IQSEC1: variants seen among roughly 807,000 people sequenced by gnomAD.
IQSEC1 encodes the protein IQ motif and SEC7 domain-containing protein 1.
IQSEC1 carries 31 observed loss-of-function variants against 91.0 expected under a neutral mutation model. That is an observed-to-expected ratio of 0.34 (90% CI 0.26 to 0.46). The LOEUF (loss-of-function observed/expected upper bound fraction) is 0.46. IQSEC1 is among the 20% of genes least tolerant of loss of function. IQSEC1 has a pLI of 1.00. For missense variants in IQSEC1, 1,388 were observed against 1,575.6 expected, an observed-to-expected ratio of 0.88 and a Z score of 2.02; for synonymous variants, 699 against 662.6, an observed-to-expected ratio of 1.05 and a Z score of -0.84.
At chr3:13,019,369 G>C (rs1276960479) in intron 1 of IQSEC1, among the ~76,000 whole-genome samples, 1 of 152,208 alleles carries the variant, frequency 6.6e-6, no homozygotes, top group Non-Finnish European at 1.5e-5. Flanking sequence ...GATGTGAATG[G>C]GACCCAGCCA....
chr3:12,902,764 C>A lies in IQSEC1; in HGVS notation c.2805+9G>T, dbSNP rs374929163. On this transcript the variant is annotated intron_variant, in intron 13 of 13. Transcript: ENST00000613206. ...GACAGCCAGCTGGACAGAGGCGCTT[C>A]CTACTTACTTCCACATTGCTCTCTA... The A allele has an allele frequency of 1.9e-6, 3 of 1,604,358 alleles. No individual in the cohort carries two copies. Among genetic ancestry groups the A allele is most frequent in the Non-Finnish European group, 1.7e-6 (2 of 1,173,242 alleles).
At chr3:13,254,194 A>G (rs1695247235) in intron 1 of IQSEC1, among the ~76,000 whole-genome samples, 2 of 152,216 alleles carry the variant, frequency 1.3e-5, no homozygotes, top group African/African-American at 4.8e-5. Flanking sequence ...CTCCACCCAC[A>G]TCGGCGTGCA....
chr3:13,179,525 G>A (rs1025288779), intron 1 of IQSEC1, among the ~76,000 whole-genome samples: 2 of 152,268 alleles, frequency 1.3e-5, no homozygotes, highest in Non-Finnish European at 2.9e-5. Flanking sequence ...AATTCTCCAA[G>A]GAGACACAAC....
chr3:13,052,647 C>T (rs1704731780), intron 1 of IQSEC1, among the ~76,000 whole-genome samples: 1 of 152,218 alleles, frequency 6.6e-6, no homozygotes, highest in Non-Finnish European at 1.5e-5. Flanking sequence ...GCTGTGCCAT[C>T]TCACACTCCC....
intron 1 of IQSEC1, among the ~76,000 whole-genome samples, chr3:13,039,010 G>C (rs940553410): frequency 6.6e-6 from 1 of 152,270 alleles, no homozygotes; most frequent in African/African-American, 2.4e-5. Context: ...TGGCCCACAG[G>C]GGCAGTCCAC....
chr3:13,056,876 A>G (rs963201861), intron 1 of IQSEC1, among the ~76,000 whole-genome samples: 2 of 152,136 alleles, frequency 1.3e-5, no homozygotes, highest in Non-Finnish European at 1.5e-5. Context: ...ACTAAAATAC[A>G]GAAGTTGTCA....
At chr3:13,199,701 C>A (rs1458896064) in intron 1 of IQSEC1, among the ~76,000 whole-genome samples, 2 of 152,140 alleles carry the variant, frequency 1.3e-5, no homozygotes, top group Non-Finnish European at 2.9e-5. Flanking sequence ...CCCTTAGGAA[C>A]CTGCTCGCCC....
Position 13,211,454 on chromosome 3 carries a change from T to C in IQSEC1, c.273-47321A>G, listed in dbSNP as rs1386075509. 2.6e-5 allele frequency among the ~76,000 whole-genome samples: 4 copies of C among 151,784 alleles called. No homozygotes were observed. The highest frequency in any genetic ancestry group is 6.6e-5 in the Admixed American group (1 of 15,262). On this transcript the variant is annotated intron_variant, in intron 1 of 15. Transcript: ENST00000648114. The surrounding 1 kb of genome is among the most constrained non-coding windows in gnomAD (Gnocchi z 5.3). The stretch of plus-strand genomic sequence containing the variant: ...CTCTGCCCCCTGCCCCAGGTCACCT[T>C]ACAAACAAAGACCCCAACTCAGGGT...
intron 6 of IQSEC1, among the ~76,000 whole-genome samples, chr3:12,919,214 C>T (rs1346843382): frequency 6.6e-6 from 1 of 152,200 alleles, no homozygotes; most frequent in Non-Finnish European, 1.5e-5. Context: ...CCTTGGTTCC[C>T]AGGAACTACA....
chr3:12,901,889 C>T (rs920146781), intron 13 of IQSEC1, among the ~76,000 whole-genome samples: 5 of 152,214 alleles, frequency 3.3e-5, no homozygotes, highest in Admixed American at 2.0e-4. Context: ...CTGTGTGTGG[C>T]GAGTGCAGAG....
intron 1 of IQSEC1, among the ~76,000 whole-genome samples, chr3:12,953,514 C>T (rs975879203): frequency 1.3e-5 from 2 of 152,186 alleles, no homozygotes; most frequent in Non-Finnish European, 2.9e-5. Context: ...ATATAGGACT[C>T]GAACAATGAA....
intron 1 of IQSEC1, among the ~76,000 whole-genome samples, chr3:13,045,440 G>A (rs1055202176): frequency 1.3e-5 from 2 of 152,176 alleles, no homozygotes; most frequent in East Asian, 3.9e-4. Flanking sequence ...GAATGCAGGC[G>A]GGGAAACAGC....
At chr3:13,195,836 C>T (rs1694114744) in intron 1 of IQSEC1, among the ~76,000 whole-genome samples, 2 of 152,078 alleles carry the variant, frequency 1.3e-5, no homozygotes, top group African/African-American at 4.8e-5. Context: ...TAAAACTGGG[C>T]AATGTGGATA....
chr3:13,049,117 A>G (rs1455146496), intron 1 of IQSEC1, among the ~76,000 whole-genome samples: 1 of 152,130 alleles, frequency 6.6e-6, no homozygotes, highest in African/African-American at 2.4e-5. Context: ...CCTGCCTTCC[A>G]GTGCCAGAAC....
intron 1 of IQSEC1, among the ~76,000 whole-genome samples, chr3:13,196,900 C>A (rs1315584373): frequency 1.3e-5 from 2 of 151,970 alleles, no homozygotes; most frequent in Non-Finnish European, 2.9e-5. Context: ...TCAGGGGGAG[C>A]AGGAGAGTCT....
At chr3:13,006,893 G>A (rs559559231) in intron 1 of IQSEC1, among the ~76,000 whole-genome samples, 90 of 152,326 alleles carry the variant, frequency 5.9e-4, no homozygotes, top group African/African-American at 1.7e-3. Flanking sequence ...GCTCTGGGCC[G>A]GGCTCTGACT....
intron 1 of IQSEC1, among the ~76,000 whole-genome samples, chr3:13,173,558 C>T (rs922313937): frequency 3.3e-5 from 5 of 152,228 alleles, no homozygotes; most frequent in African/African-American, 1.2e-4. Context: ...ACTGTAGAGG[C>T]CCTTGGACAA....
At chr3:13,168,853 C>T (rs922986637) in intron 1 of IQSEC1, among the ~76,000 whole-genome samples, 1 of 152,176 alleles carries the variant, frequency 6.6e-6, no homozygotes, top group Non-Finnish European at 1.5e-5. Context: ...TCCCCTGGCC[C>T]CCCAGATTCT....
At chr3:13,192,256 T>C (rs553126501) in intron 1 of IQSEC1, among the ~76,000 whole-genome samples, 59 of 150,256 alleles carry the variant, frequency 3.9e-4, no homozygotes, top group African/African-American at 1.3e-3. Flanking sequence ...GAAAATGGCG[T>C]GACCCCGGGA....
Sources: gnomAD v4.1 joint callset for allele counts (sites outside exome capture counted in the v4.1 genomes callset) on GRCh38, gnomAD v4.1.1 for gene constraint, Gnocchi (gnomAD v3.1) non-coding constraint, MANE v1.5 for transcripts, NCBI Gene and HGNC (gene_info 2026-07-23, HGNC 2026-07-21) for gene names.